The following PLCH2 variants were observed in gnomAD, a reference collection of about 807,000 sequenced individuals.
PLCH2 encodes the protein 1-phosphatidylinositol 4,5-bisphosphate phosphodiesterase eta-2.
In PLCH2, 98 loss-of-function variants were observed where a neutral mutation model predicts 134.7. The ratio of observed to expected loss-of-function variants is 0.73; its 90% CI spans 0.62 to 0.86. PLCH2 has a LOEUF of 0.86. PLCH2 is among the 40% of genes least tolerant of loss of function. The pLI is 0.00. For missense variants in PLCH2, 1,994 were observed against 1,986.6 expected, an observed-to-expected ratio of 1.00 and a Z score of -0.07; for synonymous variants, 974 against 827.5, an observed-to-expected ratio of 1.18 and a Z score of -3.04.
chr1:2,435,305 A>C (rs1270609951), intron 2 of PLCH2, among the ~76,000 whole-genome samples: 1 of 152,146 alleles, frequency 6.6e-6, no homozygotes, highest in African/African-American at 2.4e-5. Context: ...TGCCTCTTGC[A>C]GGGAGGGCAC....
At chr1:2,484,711 G>C (rs973512034) in intron 5 of PLCH2, 93 bp downstream of exon 5, 1 of 1,399,010 alleles carries the variant, frequency 7.1e-7, no homozygotes, top group Non-Finnish European at 9.8e-7. Context: ...AGTGGTGATG[G>C]GGGAGCTGTC....
At position 2,496,609 on chromosome 1, in the gene PLCH2, C is replaced by T. The variant is rs369485909; in HGVS notation, c.1838C>T (p.Ala613Val). 1.5e-4 allele frequency: 243 copies of T among 1,609,590 alleles called. No homozygotes were observed. Among genetic ancestry groups the T allele is most frequent in the Admixed American group, 5.0e-4 (30 of 59,674 alleles). Residue 613 changes from alanine (A) to valine (V), a missense_variant and splice_region_variant, in exon 14 of 22, where the codon GCG becomes GTG. Ala to Val is a moderately conservative substitution (Grantham distance 64). Coordinates refer to ENST00000378486, the MANE Select transcript of PLCH2 (RefSeq NM_014638.4). ...QDSPGGQSRG[A>V]TRQKKTMKLS... is the part of the protein sequence containing the mutation. The stretch of plus-strand genomic sequence containing the variant: ...CTGACCCCCTGCACCTGCCACAGGG[C>T]GACCCGGCAGAAGAAGACCATGAAG...
chr1:2,498,746 C>T lies in PLCH2; in HGVS notation c.2352C>T (p.Ile784=), dbSNP rs917254365. The change falls in exon 18 of 22, where the codon ATC becomes ATT. Residue 784 remains isoleucine, a splice_region_variant and synonymous_variant. Transcript: ENST00000378486. This position sits in a 1 kb window ranked among gnomAD's most constrained non-coding sequence, Gnocchi z 5.4. ...CCACCCCCACTCCTGTGTCCCAGAT[C>T]ATCGACCCCTTTGTGGAGGTGGAGA... is the stretch of plus-strand genomic sequence containing the variant. The part of the protein sequence containing the change: ...RDSMLGDRGE[I]IDPFVEVEII... 2 of 1,608,832 alleles carry T rather than the reference C, an allele frequency of 1.2e-6. No homozygotes were observed. The highest frequency in any genetic ancestry group is 2.7e-5 in the African/African-American group (2 of 74,964).
intron 2 of PLCH2, among the ~76,000 whole-genome samples, chr1:2,450,562 C>T (rs1640152960): frequency 1.8e-5 from 2 of 112,334 alleles, no homozygotes; most frequent in Admixed American, 1.8e-4. Context: ...CCCCACCTGC[C>T]CCCTAACTCC....
At chr1:2,422,031 G>A (rs192701006), upstream of PLCH2, among the ~76,000 whole-genome samples, 407 of 151,924 alleles carry the variant, frequency 2.7e-3, no homozygotes, top group Non-Finnish European at 5.0e-3. Flanking sequence ...AGCACTTTGG[G>A]AGGCTGAAGG....
In PLCH2 at chr1:2,497,624, C is replaced by T. The variant is rs1642969537; in HGVS notation, c.2224+15C>T. 3 of 1,521,770 alleles carry T rather than the reference C, an allele frequency of 2.0e-6. No homozygotes were observed. Among genetic ancestry groups the T allele is most frequent in the Admixed American group, 2.0e-5 (1 of 51,248 alleles). 94.3% of individuals were successfully genotyped at this position (1,521,770 alleles called of 1,614,324 possible). On this transcript the variant is annotated intron_variant, in intron 16 of 21. Coordinates refer to ENST00000378486, the MANE Select transcript of PLCH2 (RefSeq NM_014638.4). The stretch of plus-strand genomic sequence containing the variant: ...CATGTGCCAGGGTGAGGCACTCGGA[C>T]ACTCAGGGCTCGGACGCTCAGGGCT...
intron 2 of PLCH2, among the ~76,000 whole-genome samples, chr1:2,453,554 G>C (rs1300431445): frequency 2.0e-5 from 3 of 152,288 alleles, no homozygotes; most frequent in Admixed American, 1.3e-4. Flanking sequence ...CAGGGCCAGT[G>C]TCTTCACAGG....
chr1:2,459,600 T>C lies in PLCH2; in HGVS notation c.116-18876T>C, dbSNP rs3001353. The stretch of plus-strand genomic sequence containing the variant: ...GTCCTCCTTGCCGGTGGTCTTCCTT[T>C]CCGGTGGTCCTCCTTGCCTGTGGTC... On this transcript the variant is annotated intron_variant, in intron 2 of 3. Transcript: ENST00000609981. 7.1e-5 allele frequency among the ~76,000 whole-genome samples: 5 copies of C among 70,352 alleles called. 1 individual carries two copies. Among genetic ancestry groups the C allele is most frequent in the Admixed American group, 3.4e-4 (2 of 5,912 alleles). The allele number at this position is 70,352 out of a possible 152,430, so 46.2% of individuals were successfully genotyped here.
At chr1:2,487,752 A>T in intron 8 of PLCH2, 34 bp downstream of exon 8, 2 of 1,604,112 alleles carry the variant, frequency 1.2e-6, no homozygotes, top group Non-Finnish European at 1.7e-6. Context: ...CTGGCCCCAG[A>T]GGTGGGCAGG....
Position 2,504,263 on chromosome 1 carries a change from C to G in PLCH2, c.3301C>G (p.Pro1101Ala). 1 of 1,590,958 alleles carries G rather than the reference C, an allele frequency of 6.3e-7. No homozygotes were observed. Among genetic ancestry groups the G allele is most frequent in the African/African-American group, 1.3e-5 (1 of 74,268 alleles). The change falls in exon 22 of 22, where the codon CCC becomes GCC. Residue 1101 changes from proline to alanine, a missense_variant. By Grantham distance (27) the Pro-to-Ala change is conservative. Transcript: ENST00000378486. ...IRRVKSEGQVPTEPLGGWRPL... is the reference protein window; with the variant it reads ...IRRVKSEGQVATEPLGGWRPL... ...AAGGGTGAAGAGTGAGGGGCAGGTG[C>G]CCACGGAGCCCCTGGGAGGGTGGCG...
At chr1:2,490,733 T>A (rs953673051) in intron 10 of PLCH2, among the ~76,000 whole-genome samples, 2 of 152,192 alleles carry the variant, frequency 1.3e-5, no homozygotes, top group African/African-American at 2.4e-5. Context: ...CACTCCAACC[T>A]GGCACCAGGG....
At chr1:2,416,025 A>AT in the PLCH2 span, among the ~76,000 whole-genome samples, 1 of 152,120 alleles carries the variant, frequency 6.6e-6, no homozygotes, top group Non-Finnish European at 1.5e-5. Flanking sequence ...TCGTATCCCC[A>AT]TCCCCCCACC....
rs772784976 is a variant in PLCH2 at position 2,476,569 on chromosome 1, G to A, written c.-20G>A. On this transcript the variant is annotated 5_prime_UTR_variant, in exon 1 of 22. Coordinates refer to ENST00000378486, the MANE Select transcript of PLCH2 (RefSeq NM_014638.4). The stretch of plus-strand genomic sequence containing the variant: ...GGGCCTCTGTGGCCTCCGTGAAGCA[G>A]GCCCGGCTGTCGTCAGGCCATGTCT... 5.4e-6 allele frequency: 8 copies of A among 1,492,266 alleles called. No homozygotes were observed. The highest frequency in any genetic ancestry group is 7.1e-6 in the Non-Finnish European group (8 of 1,127,504). 92.4% of individuals were successfully genotyped at this position (1,492,266 alleles called of 1,614,324 possible). A position where few individuals can be genotyped will look rare whatever the true frequency, so the allele number is the denominator to read the frequency against.
chr1:2,422,000 G>A (rs1194745818), upstream of PLCH2, among the ~76,000 whole-genome samples: 1 of 151,910 alleles, frequency 6.6e-6, no homozygotes, highest in Admixed American at 6.6e-5. Flanking sequence ...GCCAGGCGCA[G>A]TGGCTCACGC....
chr1:2,467,548 G>A, exon 1 of PLCH2: 1 of 399,540 alleles, frequency 2.5e-6, no homozygotes, highest in South Asian at 1.2e-4. Context: ...GGGCTCAGGG[G>A]ACGCCGGGGG....
chr1:2,489,762 G>A lies in PLCH2; in HGVS notation c.1410G>A (p.Gly470=). 1 of 1,612,768 alleles carries A rather than the reference G, an allele frequency of 6.2e-7. No individual in the cohort carries two copies. Among genetic ancestry groups the A allele is most frequent in the African/African-American group, 1.3e-5 (1 of 75,034 alleles). Residue 470 remains glycine, a splice_region_variant and synonymous_variant, in exon 10 of 22, where the codon GGG becomes GGA. Coordinates refer to ENST00000378486, the MANE Select transcript of PLCH2 (RefSeq NM_014638.4). ...CCATCATGCACCTCCTCCCCCAGGG[G>A]AAGAAGCTCCCAGCCAACATCAGCG... ...QMLKGKILVK[G]KKLPANISED...
the PLCH2 span, among the ~76,000 whole-genome samples, chr1:2,418,783 T>C: frequency 6.6e-6 from 1 of 152,250 alleles, no homozygotes; most frequent in African/African-American, 2.4e-5. Context: ...TGTGCGCTTA[T>C]GACGGCCTCT....
chr1:2,428,508 G>A (rs553876954), intron 1 of PLCH2, among the ~76,000 whole-genome samples: 24 of 152,380 alleles, frequency 1.6e-4, no homozygotes, highest in Middle Eastern at 3.4e-3. Flanking sequence ...GCCCGGTGCC[G>A]TGCTGTGGGG....
intron 1 of PLCH2, among the ~76,000 whole-genome samples, chr1:2,430,043 G>A (rs183938642): frequency 5.9e-5 from 9 of 152,296 alleles, no homozygotes; most frequent in East Asian, 3.9e-4. Context: ...CTGTGGCCTC[G>A]GGTCCCTGGT....
Sources: gnomAD v4.1 joint callset for allele counts (sites outside exome capture counted in the v4.1 genomes callset) on GRCh38, gnomAD v4.1.1 for gene constraint, Gnocchi (gnomAD v3.1) non-coding constraint, MANE v1.5 for transcripts, NCBI Gene and HGNC (gene_info 2026-07-23, HGNC 2026-07-21) for gene names.